The following ZNF562 variants were observed in gnomAD, a reference collection of about 807,000 sequenced individuals.
ZNF562 encodes zinc finger protein 562.
ZNF562 carries 13 observed loss-of-function variants against 17.5 expected under a neutral mutation model. The ratio of observed to expected loss-of-function variants is 0.74; its 90% CI spans 0.48 to 1.18. The LOEUF (loss-of-function observed/expected upper bound fraction) is 1.18. Ranked by LOEUF, ZNF562 falls within the 50% of genes most tolerant of loss-of-function variation. ZNF562 has a pLI of 0.00. For synonymous variants in ZNF562, 163 were observed against 165.4 expected (o/e 0.99, Z 0.11); for missense variants, 481 against 498.5 (o/e 0.96, Z 0.33).
In ZNF562 at chr19:9,651,575, T is replaced by C. The variant is rs765060304; in HGVS notation, c.*1374A>G. On this transcript the variant is annotated 3_prime_UTR_variant, in exon 6 of 6. Coordinates refer to ENST00000453372, the MANE Select transcript of ZNF562 (RefSeq NM_001130031.2). ...GCTGGAGGCTGCTGGTTTACCAGAA[T>C]GAGGGCAAGCAACACCTGGCCCACC... is the stretch of plus-strand genomic sequence containing the variant. The C allele has an allele frequency of 1.1e-4, 16 of 152,198 alleles. No homozygotes were observed. The highest frequency in any genetic ancestry group is 1.6e-4 in the Non-Finnish European group (11 of 68,056). 9.4% of individuals were successfully genotyped at this position (152,198 alleles called of 1,614,324 possible).
At chr19:9,674,149 C>T (rs1216245446) in intron 1 of ZNF562, among the ~76,000 whole-genome samples, 4 of 152,076 alleles carry the variant, frequency 2.6e-5, no homozygotes, top group African/African-American at 4.8e-5. Context: ...TAAACTAATT[C>T]CAATTGGCTA....
rs1440702849 is a variant in ZNF562 at position 9,648,270 on chromosome 19, GAAA to G, written c.*4676_*4678del. 1 of 152,176 alleles carries G rather than the reference GAAA, an allele frequency of 6.6e-6. No individual in the cohort carries two copies. Among genetic ancestry groups the G allele is most frequent in the African/African-American group, 2.4e-5 (1 of 41,454 alleles). The allele number at this position is 152,176 out of a possible 1,614,324, so 9.4% of individuals were successfully genotyped here. ...GGAATACAAGGTTGATGTAACATTG[GAAA>G]AGCAATAAATACAAATACCACATTT... On this transcript the variant is annotated 3_prime_UTR_variant, in exon 6 of 6. Transcript: ENST00000453372.
Position 9,643,389 on chromosome 19 carries a change from C to T in ZNF562, c.*9560G>A, listed in dbSNP as rs553202001. ...ATAAGTTTAGAAAAAAAAAATGTGT[C>T]TGAAAGGGTCTTGAGCATCCCTCTG... On this transcript the variant is annotated 3_prime_UTR_variant, in exon 6 of 6. Coordinates refer to ENST00000453372, the MANE Select transcript of ZNF562 (RefSeq NM_001130031.2). The T allele has an allele frequency of 6.6e-6, 1 of 151,968 alleles. No individual in the cohort carries two copies. The highest frequency in any genetic ancestry group is 1.9e-4 in the East Asian group (1 of 5,166). The allele number at this position is 151,968 out of a possible 1,614,324, so 9.4% of individuals were successfully genotyped here.
At chr19:9,670,488 A>G (rs911847188) in intron 1 of ZNF562, among the ~76,000 whole-genome samples, 1 of 149,076 alleles carries the variant, frequency 6.7e-6, no homozygotes, top group African/African-American at 2.5e-5. Context: ...ACAGCAGATT[A>G]TTATTCAGCC....
chr19:9,652,083 C>T lies in ZNF562; in HGVS notation c.*866G>A, dbSNP rs1456243230. 6.6e-6 allele frequency: 1 copy of T among 152,182 alleles called. No individual in the cohort carries two copies. The highest frequency in any genetic ancestry group is 2.4e-5 in the African/African-American group (1 of 41,436). 9.4% of individuals were successfully genotyped at this position (152,182 alleles called of 1,614,324 possible). A position where few individuals can be genotyped will look rare whatever the true frequency, so the allele number is the denominator to read the frequency against. On this transcript the variant is annotated 3_prime_UTR_variant, in exon 6 of 6. Coordinates refer to ENST00000453372, the MANE Select transcript of ZNF562 (RefSeq NM_001130031.2). ...AATCCTCAAAGTGTGGCTGAACAATCATTTGATAAAGAGATCATGAGTGGG... is the reference window on the plus strand; with the variant it reads ...AATCCTCAAAGTGTGGCTGAACAATTATTTGATAAAGAGATCATGAGTGGG...
intron 1 of ZNF562, among the ~76,000 whole-genome samples, chr19:9,669,638 C>G (rs1197076464): frequency 6.6e-6 from 1 of 151,452 alleles, no homozygotes; most frequent in Non-Finnish European, 1.5e-5. Context: ...CTAGGCAACA[C>G]AGCAACACCT....
chr19:9,660,611 A>G (rs2043699604), intron 2 of ZNF562, 109 bp downstream of exon 2: 5 of 322,278 alleles, frequency 1.6e-5, no homozygotes, highest in Admixed American at 1.3e-4. Flanking sequence ...CATCTAAAAG[A>G]AAAAAAAAAA....
In ZNF562 at chr19:9,673,465, T is replaced by C. The variant is rs10418101; in HGVS notation, c.-131+1550A>G. 6.6e-5 allele frequency among the ~76,000 whole-genome samples: 10 copies of C among 152,004 alleles called. No individual in the cohort carries two copies. The East Asian group carries it at 1.9e-3, about 30-fold the overall frequency. On this transcript the variant is annotated intron_variant, in intron 1 of 5. Transcript: ENST00000453372. ...GGGGCCCACCACCAAGCCCGGCTAATTTTTGTATTTTTAGTAGAGACAGGG... is the reference window on the plus strand; with the variant it reads ...GGGGCCCACCACCAAGCCCGGCTAACTTTTGTATTTTTAGTAGAGACAGGG...
intron 1 of ZNF562, among the ~76,000 whole-genome samples, chr19:9,669,552 T>G (rs1010233349): frequency 6.6e-6 from 1 of 152,046 alleles, no homozygotes; most frequent in African/African-American, 2.4e-5. Flanking sequence ...TATTCAGGTG[T>G]GGTGGCTCAG....
Position 9,642,045 on chromosome 19 carries a change from G to A in ZNF562, c.*10904C>T, listed in dbSNP as rs1270009541. On this transcript the variant is annotated 3_prime_UTR_variant, in exon 6 of 6. Coordinates refer to ENST00000453372, the MANE Select transcript of ZNF562 (RefSeq NM_001130031.2). ...GAGGGTGTATCATCACAAGGGTGGG[G>A]AGGAAGGTTACAAAGTACATTTACA... is the stretch of plus-strand genomic sequence containing the variant. 1 of 151,672 alleles carries A rather than the reference G, an allele frequency of 6.6e-6. No individual in the cohort carries two copies. Among genetic ancestry groups the A allele is most frequent in the Non-Finnish European group, 1.5e-5 (1 of 67,958 alleles). The allele number at this position is 151,672 out of a possible 1,614,324, so 9.4% of individuals were successfully genotyped here. A position where few individuals can be genotyped will look rare whatever the true frequency, so the allele number is the denominator to read the frequency against.
At position 9,667,048 on chromosome 19, in the gene ZNF562, C is replaced by A. The variant is rs73008136; in HGVS notation, c.-130-6174G>T. 4.7e-3 allele frequency among the ~76,000 whole-genome samples: 716 copies of A among 152,008 alleles called. 3 individuals are homozygous for A. Among genetic ancestry groups the A allele is most frequent in the Middle Eastern group, 0.014 (4 of 294 alleles). The stretch of plus-strand genomic sequence containing the variant: ...TGAGCATTATTCTCATATCAAAAAC[C>A]AGACAAGAGCACAACAACAACAACA... On this transcript the variant is annotated intron_variant, in intron 1 of 5. Coordinates refer to ENST00000453372, the MANE Select transcript of ZNF562 (RefSeq NM_001130031.2).
Position 9,652,895 on chromosome 19 carries a change from G to A in ZNF562, c.*54C>T. The A allele has an allele frequency of 2.1e-6, 3 of 1,438,714 alleles. No individual in the cohort carries two copies. Among genetic ancestry groups the A allele is most frequent in the Non-Finnish European group, 2.8e-6 (3 of 1,087,648 alleles). The allele number at this position is 1,438,714 out of a possible 1,614,324, so 89.1% of individuals were successfully genotyped here. On this transcript the variant is annotated 3_prime_UTR_variant, in exon 6 of 6. Transcript: ENST00000453372. ...ACATACAAAAGGTTTCTCTCTGGTA[G>A]GAGTTCACAGGTGGGGTGAGGAATA... is the stretch of plus-strand genomic sequence containing the variant.
At chr19:9,666,194 C>T (rs1311995885) in intron 1 of ZNF562, among the ~76,000 whole-genome samples, 2 of 151,686 alleles carry the variant, frequency 1.3e-5, no homozygotes, top group African/African-American at 2.4e-5. Flanking sequence ...CATGGTGGTG[C>T]ATGCCTGTAA....
At chr19:9,661,131 ATATGTATC>A (rs1219336120) in intron 1 of ZNF562, among the ~76,000 whole-genome samples, 2 of 152,136 alleles carry the variant, frequency 1.3e-5, no homozygotes, top group Non-Finnish European at 2.9e-5. Context: ...ATCATTACCT[ATATGTATC>A]TATGTATCTA....
At position 9,653,214 on chromosome 19, in the gene ZNF562, G is replaced by A; in HGVS notation, c.1016C>T (p.Thr339Ile). The change falls in exon 6 of 6, where the codon ACT becomes ATT. Residue 339 changes from threonine (T) to isoleucine (I), a missense_variant. Coordinates refer to ENST00000453372, the MANE Select transcript of ZNF562 (RefSeq NM_001130031.2). ...CTTACATTCATAGGGTTTTATTCCAGTGTGAGTTCTTACATGTTGAGTAAG... is the reference window on the plus strand; with the variant it reads ...CTTACATTCATAGGGTTTTATTCCAATGTGAGTTCTTACATGTTGAGTAAG... ...THLTQHVRTHTGIKPYECKEC... is the reference protein window; with the variant it reads ...THLTQHVRTHIGIKPYECKEC... 3 of 1,614,060 alleles carry A rather than the reference G, an allele frequency of 1.9e-6. No individual in the cohort carries two copies. The highest frequency in any genetic ancestry group is 1.7e-6 in the Non-Finnish European group (2 of 1,180,040).
Position 9,658,072 on chromosome 19 carries a change from T to C in ZNF562, c.178A>G (p.Thr60Ala). 6.2e-7 allele frequency: 1 copy of C among 1,614,014 alleles called. No homozygotes were observed. The highest frequency in any genetic ancestry group is 8.5e-7 in the Non-Finnish European group (1 of 1,179,922). Residue 60 changes from threonine (T) to alanine (A), a missense_variant, in exon 4 of 6, where the codon ACA becomes GCA. Physicochemically the swap from Thr to Ala is moderately conservative, Grantham distance 58. Transcript: ENST00000453372. The part of the protein sequence containing the change: ...FTPEEWALLD[T>A]TQKYLYRDVM... ...TCTCTGTAGAGGTATTTCTGAGTTG[T>C]GTCCAGTAAAGCCCACTCCTCTGGG...
chr19:9,660,548 G>C (rs190511285), intron 2 of ZNF562, among the ~76,000 whole-genome samples, 172 bp downstream of exon 2: 1 of 151,578 alleles, frequency 6.6e-6, no homozygotes, highest in Non-Finnish European at 1.5e-5. Context: ...GGAGGTTGCG[G>C]TGAGCTAAGA....
chr19:9,659,281 T>G, intron 3 of ZNF562, 98 bp downstream of exon 3: 1 of 1,130,980 alleles, frequency 8.8e-7, no homozygotes, highest in Non-Finnish European at 1.3e-6. Flanking sequence ...CTTCATTTGC[T>G]CTAAGAAAAC....
chr19:9,661,319 T>C (rs1236555765), intron 1 of ZNF562, among the ~76,000 whole-genome samples: 1 of 151,888 alleles, frequency 6.6e-6, no homozygotes, highest in Non-Finnish European at 1.5e-5. Context: ...CTTATTATTA[T>C]ATTATTATTA....
Sources: allele counts gnomAD v4.1 joint callset (sites outside exome capture counted in the v4.1 genomes callset), GRCh38; gene constraint gnomAD v4.1.1; transcripts MANE v1.5; gene names NCBI Gene and HGNC (gene_info 2026-07-23, HGNC 2026-07-21).